PTPRF: variants seen among roughly 807,000 people sequenced by gnomAD.
PTPRF encodes receptor-type tyrosine-protein phosphatase F.
PTPRF carries 59 observed loss-of-function variants against 201.8 expected under a neutral mutation model. The observed-to-expected ratio is 0.29, with a 90% CI of 0.24 to 0.36. The LOEUF is 0.36. PTPRF is among the 10% of genes least tolerant of loss of function. The probability of loss-of-function intolerance (pLI) is 1.00; values close to 1 mark genes in which losing one functional copy is unlikely to be tolerated. For synonymous variants in PTPRF, 1,088 were observed against 1,089.7 expected (o/e 1.00, Z 0.03); for missense variants, 2,132 against 2,690.5 (o/e 0.79, Z 4.59).
rs563825570 is a variant in PTPRF, at chr1:43,583,513, C to T, written c.679+4593C>T. ...TTGTGTGCACCTGTGGGACCTTTCA[C>T]CGCCCTCCTCGCCTAGAGACCCAGG... On this transcript the variant is annotated intron_variant, in intron 7 of 33. Coordinates refer to ENST00000359947, the MANE Select transcript of PTPRF (RefSeq NM_002840.5). Among the ~76,000 whole-genome samples, 19 of 152,308 alleles carry T rather than the reference C, an allele frequency of 1.2e-4. 1 individual carries two copies.
intron 5 of PTPRF, among the ~76,000 whole-genome samples, chr1:43,558,793 C>T (rs1645578536): frequency 6.6e-6 from 1 of 152,028 alleles, no homozygotes; most frequent in Non-Finnish European, 1.5e-5. Context: ...GGATTCCTGG[C>T]CTTTCCCTCC....
rs74735466 is a variant in PTPRF, at chr1:43,565,864, A to T, written c.380-3726A>T. Among the ~76,000 whole-genome samples, 529 of 152,196 alleles carry T rather than the reference A, an allele frequency of 3.5e-3. 17 individuals are homozygous for T. In the East Asian group the frequency reaches 0.074, roughly 21 times the overall value. The stretch of plus-strand genomic sequence containing the variant: ...CGCGCGCCTGCACGGACTCGGGCAC[A>T]CGCAGCCCTTCCGCGGCAGCGCCCG... On this transcript the variant is annotated intron_variant, in intron 5 of 33. Coordinates refer to ENST00000359947, the MANE Select transcript of PTPRF (RefSeq NM_002840.5).
At chr1:43,572,640 T>C (rs1269386323) in intron 6 of PTPRF, among the ~76,000 whole-genome samples, 1 of 152,190 alleles carries the variant, frequency 6.6e-6, no homozygotes, top group East Asian at 1.9e-4. Flanking sequence ...TGGAGTGGAC[T>C]CAGGCCCCTG....
intron 1 of PTPRF, among the ~76,000 whole-genome samples, chr1:43,531,294 C>T (rs1032567471): frequency 6.8e-6 from 1 of 147,434 alleles, no homozygotes; most frequent in African/African-American, 2.5e-5. Context: ...GGCGGCTCCT[C>T]CCCGCTCACC....
Position 43,537,544 on chromosome 1 carries a change from C to T in PTPRF, c.-125-654C>T, listed in dbSNP as rs1015539614. Among the ~76,000 whole-genome samples the T allele has an allele frequency of 1.3e-5, 2 of 152,194 alleles. No individual in the cohort carries two copies. Among genetic ancestry groups the T allele is most frequent in the Admixed American group, 1.3e-4 (2 of 15,286 alleles). On this transcript the variant is annotated intron_variant, in intron 1 of 33. Transcript: ENST00000359947. The surrounding 1 kb of genome is among the most constrained non-coding windows in gnomAD (Gnocchi z 4.8). ...GAGCTGGGCAGCCACAGTCCATGCTCCTATCAAGCTTATGGTAGTGACTCA... is the reference window on the plus strand; with the variant it reads ...GAGCTGGGCAGCCACAGTCCATGCTTCTATCAAGCTTATGGTAGTGACTCA...
intron 5 of PTPRF, among the ~76,000 whole-genome samples, chr1:43,564,263 T>C (rs1409110630): frequency 2.0e-5 from 3 of 152,094 alleles, no homozygotes; most frequent in African/African-American, 4.8e-5. Context: ...CCTTCGACTT[T>C]TGGAAGGCGT....
At position 43,605,532 on chromosome 1, in the gene PTPRF, G is replaced by T; in HGVS notation, c.3393G>T (p.Trp1131Cys). 6.2e-7 allele frequency: 1 copy of T among 1,614,174 alleles called. No homozygotes were observed. Among genetic ancestry groups the T allele is most frequent in the Non-Finnish European group, 8.5e-7 (1 of 1,180,016 alleles). Residue 1131 changes from tryptophan to cysteine, a missense_variant, in exon 19 of 34, where the codon TGG becomes TGT. Trp to Cys is a radical substitution (Grantham distance 215). Transcript: ENST00000359947. Reference sequence around the variant, plus strand: ...GATTCCTGCCCTGCCCACCCAGGTGGTTCTACATTGTTGTGGTGCCCATTG... The same window carrying T: ...GATTCCTGCCCTGCCCACCCAGGTGTTTCTACATTGTTGTGGTGCCCATTG... ...PHVQDPSLVR[W>C]FYIVVVPIDR...
chr1:43,580,733 A>G (rs958801775), intron 7 of PTPRF, among the ~76,000 whole-genome samples: 2 of 152,244 alleles, frequency 1.3e-5, no homozygotes, highest in Admixed American at 6.5e-5. Flanking sequence ...CACCCTGACT[A>G]TCGCAAATGC....
intron 7 of PTPRF, among the ~76,000 whole-genome samples, chr1:43,583,651 C>G (rs1389963746): frequency 1.3e-5 from 2 of 152,192 alleles, no homozygotes; most frequent in African/African-American, 4.8e-5. Context: ...TTGAGGCCCT[C>G]AGGTCCCCCA....
chr1:43,573,244 C>T (rs775039563), intron 6 of PTPRF, among the ~76,000 whole-genome samples: 1 of 152,118 alleles, frequency 6.6e-6, no homozygotes, highest in East Asian at 1.9e-4. Flanking sequence ...GGGCTCAGAG[C>T]CCCTGCTGGG....
chr1:43,547,637 G>T (rs927608136), intron 3 of PTPRF, among the ~76,000 whole-genome samples: 1 of 152,264 alleles, frequency 6.6e-6, no homozygotes, highest in Non-Finnish European at 1.5e-5. Context: ...GACAGCTGGG[G>T]CAGTGAAGCG....
At chr1:43,524,347 T>C (rs932389716), upstream of PTPRF, among the ~76,000 whole-genome samples, 2 of 152,042 alleles carry the variant, frequency 1.3e-5, no homozygotes, top group African/African-American at 4.8e-5. Flanking sequence ...CCAAAAGCTA[T>C]TGAAATTTTT....
intron 5 of PTPRF, among the ~76,000 whole-genome samples, chr1:43,559,678 C>T (rs1482205746): frequency 4.0e-4 from 56 of 138,820 alleles, no homozygotes; most frequent in African/African-American, 1.4e-3. Context: ...CAGCATGCGG[C>T]GAGTACTTTG....
intron 14 of PTPRF, among the ~76,000 whole-genome samples, chr1:43,602,708 T>C (rs1018763487): frequency 6.6e-6 from 1 of 152,192 alleles, no homozygotes; most frequent in Non-Finnish European, 1.5e-5. Flanking sequence ...CCAGAGATGA[T>C]GCCTTTGCTG....
Position 43,537,945 on chromosome 1 carries a change from C to T in PTPRF, c.-125-253C>T, listed in dbSNP as rs545984884. 6.6e-6 allele frequency among the ~76,000 whole-genome samples: 1 copy of T among 152,094 alleles called. No individual in the cohort carries two copies. The highest frequency in any genetic ancestry group is 6.5e-5 in the Admixed American group (1 of 15,280). On this transcript the variant is annotated intron_variant, in intron 1 of 33. Coordinates refer to ENST00000359947, the MANE Select transcript of PTPRF (RefSeq NM_002840.5). This position sits in a 1 kb window ranked among gnomAD's most constrained non-coding sequence, Gnocchi z 4.8. The stretch of plus-strand genomic sequence containing the variant: ...GGTCAGGGACTTGGTCTGTGTGGCT[C>T]ACAGCTATATGGCTGGTGCCTGGAA...
At chr1:43,580,726 CCTGA>C (rs1315658422) in intron 7 of PTPRF, among the ~76,000 whole-genome samples, 1 of 152,264 alleles carries the variant, frequency 6.6e-6, no homozygotes, top group African/African-American at 2.4e-5. Context: ...CTCCTCCCAC[CCTGA>C]CTATCGCAAA....
intron 22 of PTPRF, 134 bp from the exon 23 acceptor site, chr1:43,613,484 G>A: frequency 1.3e-6 from 1 of 754,880 alleles, no homozygotes; most frequent in Non-Finnish European, 2.4e-6. Context: ...ATGTGCTGCT[G>A]TCTCCATGCC....
intron 3 of PTPRF, among the ~76,000 whole-genome samples, chr1:43,551,666 C>T (rs1395071054): frequency 6.6e-6 from 1 of 152,180 alleles, no homozygotes; most frequent in African/African-American, 2.4e-5. Flanking sequence ...TTTCACCCTC[C>T]GAGCCTCTAT....
At position 43,553,684 on chromosome 1, in the gene PTPRF, C is replaced by T. The variant is rs1645171284; in HGVS notation, c.237+47C>T. ...GTCGGCAGGGCTCAGGGTCTGCCCA[C>T]ACTCTCTCCTTTCAGTGTCCCTCCT... On this transcript the variant is annotated intron_variant, in intron 4 of 33. Transcript: ENST00000359947. The surrounding 1 kb of genome is among the most constrained non-coding windows in gnomAD (Gnocchi z 4.1). 6.2e-7 allele frequency: 1 copy of T among 1,611,104 alleles called. No homozygotes were observed. Among genetic ancestry groups the T allele is most frequent in the East Asian group, 2.2e-5 (1 of 44,842 alleles).
Sources: allele counts gnomAD v4.1 joint callset (sites outside exome capture counted in the v4.1 genomes callset), GRCh38; gene constraint gnomAD v4.1.1; non-coding constraint Gnocchi (gnomAD v3.1); transcripts MANE v1.5; gene names NCBI Gene and HGNC (gene_info 2026-07-23, HGNC 2026-07-21).